EYS: variants seen among roughly 807,000 people sequenced by gnomAD.
EYS encodes the protein EGF-like photoreceptor maintenance factor, also known as protein eyes shut homolog.
EYS carries 250 observed loss-of-function variants against 282.1 expected under a neutral mutation model. The ratio of observed to expected loss-of-function variants is 0.89; its 90% CI spans 0.80 to 0.98. The LOEUF is 0.98. Ranked by LOEUF, EYS falls within the 50% of genes least tolerant of loss-of-function variation. The pLI is 0.00. For synonymous variants in EYS, 1,355 were observed against 1,282.9 expected (o/e 1.06, Z -1.20); for missense variants, 4,016 against 3,709.0 (o/e 1.08, Z -2.15).
chr6:64,610,894 C>T (rs1027880010), intron 24 of EYS, among the ~76,000 whole-genome samples: 2 of 152,112 alleles, frequency 1.3e-5, no homozygotes, highest in Admixed American at 6.5e-5. Flanking sequence ...TCTCCTCCCC[C>T]AAAACCCTCA....
intron 42 of EYS, 85 bp downstream of exon 42, chr6:63,726,434 A>G (rs529392183): frequency 1.7e-6 from 2 of 1,171,556 alleles, no homozygotes; most frequent in South Asian, 3.5e-5. Flanking sequence ...ACATATTTAA[A>G]TACTAGGTGA....
At chr6:65,691,243 G>T (rs1334635302) in intron 1 of EYS, among the ~76,000 whole-genome samples, 1 of 150,230 alleles carries the variant, frequency 6.7e-6, no homozygotes, top group Admixed American at 6.7e-5. Context: ...TCCAGCACCT[G>T]TTGCTTCCTG....
At chr6:63,888,189 G>T (rs138786662) in intron 35 of EYS, among the ~76,000 whole-genome samples, 3 of 152,352 alleles carry the variant, frequency 2.0e-5, no homozygotes, top group Non-Finnish European at 4.4e-5. Context: ...AGCACTGGGG[G>T]AAGGGGCAGC....
intron 26 of EYS, among the ~76,000 whole-genome samples, chr6:64,487,782 T>A (rs996347100): frequency 6.6e-6 from 1 of 151,056 alleles, no homozygotes; most frequent in East Asian, 1.9e-4. Flanking sequence ...CATAATATTT[T>A]TTAATTTATA....
At chr6:65,093,502 G>T (rs1196996421) in intron 12 of EYS, among the ~76,000 whole-genome samples, 2 of 151,826 alleles carry the variant, frequency 1.3e-5, no homozygotes. Flanking sequence ...AAATCAATAA[G>T]ATAAAGTACA....
intron 26 of EYS, among the ~76,000 whole-genome samples, chr6:64,492,835 C>T (rs1397259353): frequency 2.0e-5 from 3 of 151,252 alleles, no homozygotes; most frequent in African/African-American, 7.3e-5. Flanking sequence ...AAAGGAGAGA[C>T]TAGTCTGGGT....
At chr6:64,415,690 C>T (rs1353565314) in intron 28 of EYS, among the ~76,000 whole-genome samples, 1 of 152,050 alleles carries the variant, frequency 6.6e-6, no homozygotes, top group Non-Finnish European at 1.5e-5. Flanking sequence ...TTTTTATTGA[C>T]CTATTTTGAA....
intron 26 of EYS, among the ~76,000 whole-genome samples, chr6:64,446,514 A>G (rs1775121514): frequency 6.6e-6 from 1 of 151,862 alleles, no homozygotes; most frequent in South Asian, 2.1e-4. Context: ...AAACAAATAT[A>G]TATTTTTGAA....
At chr6:65,619,765 G>A (rs532058884) in intron 2 of EYS, among the ~76,000 whole-genome samples, 4 of 151,096 alleles carry the variant, frequency 2.6e-5, no homozygotes, top group African/African-American at 9.7e-5. Context: ...TAGCATGAAG[G>A]GTTGTTGAAT....
chr6:65,537,035 A>G (rs1012562134), intron 2 of EYS, among the ~76,000 whole-genome samples: 1 of 152,224 alleles, frequency 6.6e-6, no homozygotes, highest in African/African-American at 2.4e-5. Flanking sequence ...GAATGAGTTC[A>G]TGTCCCTTGC....
Position 63,720,211 on chromosome 6 carries a change from A to G in EYS, c.*385T>C, listed in dbSNP as rs1160004095. The G allele has an allele frequency of 7.5e-6, 2 of 267,578 alleles. No homozygotes were observed. The highest frequency in any genetic ancestry group is 1.4e-5 in the Non-Finnish European group (2 of 143,380). 16.6% of individuals were successfully genotyped at this position (267,578 alleles called of 1,614,324 possible). ...TTTTTCTTATTTGTACCTATCCCTA[A>G]TTCATTCCCAACTGAATTTTAAACA... On this transcript the variant is annotated 3_prime_UTR_variant, in exon 43 of 43. Transcript: ENST00000503581.
chr6:63,850,840 TAAATGGGCTAA>T (rs754802171), intron 36 of EYS, among the ~76,000 whole-genome samples: 20 of 152,224 alleles, frequency 1.3e-4, no homozygotes, highest in Non-Finnish European at 2.1e-4. Context: ...ACCTTACATG[TAAATGGGCTAA>T]ATGCCCCAAT....
intron 10 of EYS, among the ~76,000 whole-genome samples, chr6:65,343,626 A>AT (rs1444787891): frequency 3.3e-5 from 5 of 150,972 alleles, no homozygotes; most frequent in Non-Finnish European, 5.9e-5. Context: ...TATTTATTTT[A>AT]TTTTTTAAGT....
intron 22 of EYS, among the ~76,000 whole-genome samples, chr6:64,790,693 A>C (rs1456830104): frequency 6.6e-6 from 1 of 151,886 alleles, no homozygotes; most frequent in East Asian, 1.9e-4. Context: ...AGGAAATAAG[A>C]ACATGATCAC....
intron 29 of EYS, among the ~76,000 whole-genome samples, chr6:64,338,437 C>A (rs930461694): frequency 2.0e-5 from 3 of 151,762 alleles, no homozygotes; most frequent in African/African-American, 7.2e-5. Context: ...GGTGAAAAAC[C>A]TCCTCAAGGA....
At chr6:63,841,767 G>T (rs56172936) in intron 36 of EYS, among the ~76,000 whole-genome samples, 1 of 151,692 alleles carries the variant, frequency 6.6e-6, no homozygotes, top group Admixed American at 6.6e-5. Context: ...TTTGCCCCCC[G>T]CCACCCAACA....
At chr6:65,091,449 C>CAATAAATA (rs1456480650) in intron 12 of EYS, among the ~76,000 whole-genome samples, 2 of 85,794 alleles carry the variant, frequency 2.3e-5, no homozygotes, top group African/African-American at 1.0e-4. Flanking sequence ...GACTACATCT[C>CAATAAATA]AAGAAATAAA....
chr6:64,220,354 A>G (rs1484735071), intron 31 of EYS, among the ~76,000 whole-genome samples: 4 of 152,102 alleles, frequency 2.6e-5, no homozygotes, highest in African/African-American at 9.7e-5. Context: ...ATGAATAGTT[A>G]TAGTTTACAT....
At chr6:64,761,475 A>T (rs1773154893) in intron 22 of EYS, among the ~76,000 whole-genome samples, 1 of 152,120 alleles carries the variant, frequency 6.6e-6, no homozygotes, top group African/African-American at 2.4e-5. Flanking sequence ...TTGAATGATT[A>T]GTATTATTTT....
Sources: allele counts gnomAD v4.1 joint callset (sites outside exome capture counted in the v4.1 genomes callset), GRCh38; gene constraint gnomAD v4.1.1; transcripts MANE v1.5; gene names NCBI Gene and HGNC (gene_info 2026-07-23, HGNC 2026-07-21).